Variants in KIAA1549L observed in about 807,000 individuals in gnomAD.
The protein encoded by KIAA1549L is KIAA1549 like.
In KIAA1549L, 88 loss-of-function variants were observed where a neutral mutation model predicts 160.7. The observed-to-expected ratio is 0.55, with a 90% confidence interval of 0.46 to 0.65. KIAA1549L has a LOEUF of 0.65. Ranked by LOEUF, KIAA1549L falls within the 30% of genes least tolerant of loss-of-function variation. The pLI, the probability that KIAA1549L is intolerant of heterozygous loss-of-function variation, is 0.00. For missense variants in KIAA1549L, 2,258 were observed against 2,437.5 expected (o/e 0.93, Z 1.55); for synonymous variants, 950 against 976.7 (o/e 0.97, Z 0.51).
intron 1 of KIAA1549L, among the ~76,000 whole-genome samples, chr11:33,423,503 C>T (rs1851059568): frequency 6.6e-6 from 1 of 152,202 alleles, no homozygotes; most frequent in Non-Finnish European, 1.5e-5. Flanking sequence ...TAATCTTATT[C>T]ATGCCCTCAT....
intron 16 of KIAA1549L, among the ~76,000 whole-genome samples, chr11:33,645,296 C>T (rs1851685758): frequency 6.6e-6 from 1 of 152,106 alleles, no homozygotes; most frequent in Non-Finnish European, 1.5e-5. Flanking sequence ...TAGAATGCTA[C>T]CCCTCCAGGT....
intron 1 of KIAA1549L, among the ~76,000 whole-genome samples, chr11:33,449,228 C>T (rs1851674070): frequency 6.6e-6 from 1 of 151,584 alleles, no homozygotes; most frequent in South Asian, 2.1e-4. Flanking sequence ...AAAATTTGCT[C>T]TTCAATTTTT....
intron 1 of KIAA1549L, among the ~76,000 whole-genome samples, chr11:33,473,773 T>C (rs2133032773): frequency 6.6e-6 from 1 of 152,304 alleles, no homozygotes; most frequent in Non-Finnish European, 1.5e-5. Flanking sequence ...TAACCTTTCC[T>C]ATCTTCTCCA....
At chr11:33,447,266 G>T (rs974002547) in intron 1 of KIAA1549L, among the ~76,000 whole-genome samples, 1 of 150,328 alleles carries the variant, frequency 6.7e-6, no homozygotes, top group African/African-American at 2.5e-5. Context: ...AAGCAAGGGG[G>T]TCTGGTAGGG....
chr11:33,643,340 A>G (rs1851637708), intron 16 of KIAA1549L, among the ~76,000 whole-genome samples: 1 of 152,108 alleles, frequency 6.6e-6, no homozygotes. Context: ...ACCCACCCCC[A>G]GTACTACCCC....
intron 16 of KIAA1549L, among the ~76,000 whole-genome samples, chr11:33,636,014 C>T (rs111883915): frequency 2.0e-5 from 3 of 152,278 alleles, no homozygotes; most frequent in African/African-American, 4.8e-5. Context: ...TGAAGTCTGA[C>T]GCCATCCCAC....
intron 14 of KIAA1549L, 28 bp downstream of exon 14, chr11:33,606,850 G>C: frequency 6.4e-7 from 1 of 1,565,358 alleles, no homozygotes; most frequent in Non-Finnish European, 8.7e-7. Context: ...CAGGGCAGGA[G>C]ATGGTCCGGC....
At position 33,671,062 on chromosome 11, in the gene KIAA1549L, C is replaced by T. The variant is rs147765427; in HGVS notation, c.*2908C>T. 1.1e-3 allele frequency: 160 copies of T among 152,260 alleles called. 1 individual carries two copies. The highest frequency in any genetic ancestry group is 3.8e-3 in the African/African-American group (157 of 41,530). The allele number at this position is 152,260 out of a possible 1,614,324, so 9.4% of individuals were successfully genotyped here. The stretch of plus-strand genomic sequence containing the variant: ...AGAAAAAAGATGATTGAGTATATAA[C>T]GAACTTCAGATACAGTGTATAGAGG... On this transcript the variant is annotated 3_prime_UTR_variant, in exon 21 of 21. Coordinates refer to ENST00000658780, the MANE Select transcript of KIAA1549L (RefSeq NM_012194.3).
chr11:33,425,878 G>A (rs1383398048), intron 1 of KIAA1549L, among the ~76,000 whole-genome samples: 1 of 152,198 alleles, frequency 6.6e-6, no homozygotes, highest in East Asian at 1.9e-4. Flanking sequence ...TACTGAAAAT[G>A]CACAAGTTCA....
intron 1 of KIAA1549L, among the ~76,000 whole-genome samples, chr11:33,423,163 C>T (rs568516307): frequency 6.6e-6 from 1 of 152,138 alleles, no homozygotes; most frequent in East Asian, 1.9e-4. Flanking sequence ...CTTTTTTGCA[C>T]AAAAATAAAC....
At chr11:33,632,119 G>C (rs116297149) in intron 16 of KIAA1549L, among the ~76,000 whole-genome samples, 3,172 of 152,268 alleles carry the variant, frequency 0.021, 125 homozygotes, top group African/African-American at 0.07. Context: ...CAACTTAAAC[G>C]ATCTTAAAAC....
In KIAA1549L at chr11:33,672,513, G is replaced by A. The variant is rs1371357580; in HGVS notation, c.*4359G>A. ...TCAGCAGGGACTTTTATTGGGGGCT[G>A]GTACCCAGAAGAAGGAGCATGAGTG... On this transcript the variant is annotated 3_prime_UTR_variant, in exon 21 of 21. Transcript: ENST00000658780. 6.5e-6 allele frequency: 1 copy of A among 153,444 alleles called. No homozygotes were observed. Among genetic ancestry groups the A allele is most frequent in the Non-Finnish European group, 1.5e-5 (1 of 68,104 alleles). 9.5% of individuals were successfully genotyped at this position (153,444 alleles called of 1,614,324 possible).
chr11:33,410,308 G>A (rs1850761724), intron 1 of KIAA1549L, among the ~76,000 whole-genome samples: 1 of 152,170 alleles, frequency 6.6e-6, no homozygotes, highest in African/African-American at 2.4e-5. Context: ...CATTGTTAGT[G>A]TAGACCGCAT....
intron 1 of KIAA1549L, among the ~76,000 whole-genome samples, chr11:33,416,105 T>C (rs574669688): frequency 7.2e-5 from 11 of 152,010 alleles, no homozygotes; most frequent in South Asian, 2.1e-4. Context: ...CCAGACACCA[T>C]AGGGGGAGGA....
rs1590225675 is a variant in KIAA1549L, at chr11:33,408,783, A to C, written c.238+31894A>C. Among the ~76,000 whole-genome samples, 5 of 74,412 alleles carry C rather than the reference A, an allele frequency of 6.7e-5. No individual in the cohort carries two copies. The South Asian group carries it at 2.7e-3, about 40-fold the overall frequency. 48.8% of individuals were successfully genotyped at this position (74,412 alleles called of 152,430 possible). A position where few individuals can be genotyped will look rare whatever the true frequency, so the allele number is the denominator to read the frequency against. ...AAACCCCATCACTACTAAAAATACAAAAAAAAAAAAAAAAAAATTAGCCGG... is the reference window on the plus strand; with the variant it reads ...AAACCCCATCACTACTAAAAATACACAAAAAAAAAAAAAAAAATTAGCCGG... On this transcript the variant is annotated intron_variant, in intron 1 of 20. Transcript: ENST00000658780.
chr11:33,544,198 C>T lies in KIAA1549L; in HGVS notation c.2635C>T (p.Pro879Ser), dbSNP rs1222760059. 8.7e-6 allele frequency: 14 copies of T among 1,613,898 alleles called. No individual in the cohort carries two copies. The highest frequency in any genetic ancestry group is 1.2e-5 in the Non-Finnish European group (14 of 1,179,904). The change falls in exon 2 of 21, where the codon CCT (proline) becomes TCT (serine). Residue 879 changes from proline to serine, a missense_variant. This residue lies in a region of KIAA1549L where 287 missense variants were observed against 292.3 expected (regional missense o/e 0.98). Transcript: ENST00000658780. ...SEISSDINSS[P>S]ERNASTPFQN... ...AATTTCCAGTGACATCAATTCATCA[C>T]CTGAGAGAAATGCTTCCACACCATT... is the stretch of plus-strand genomic sequence containing the variant.
chr11:33,658,517 T>TA, intron 18 of KIAA1549L, among the ~76,000 whole-genome samples: 1 of 152,276 alleles, frequency 6.6e-6, no homozygotes, highest in East Asian at 1.9e-4. Flanking sequence ...CTTGAACGTC[T>TA]AAAAATGATT....
chr11:33,607,359 T>C (rs1054502641), intron 14 of KIAA1549L, among the ~76,000 whole-genome samples: 1 of 152,126 alleles, frequency 6.6e-6, no homozygotes, highest in Non-Finnish European at 1.5e-5. Context: ...TAGTCAACTT[T>C]CCTAAGAGTC....
intron 1 of KIAA1549L, among the ~76,000 whole-genome samples, chr11:33,404,401 G>A (rs549717569): frequency 2.0e-5 from 3 of 152,172 alleles, no homozygotes; most frequent in African/African-American, 4.8e-5. Context: ...GCAGGCGCCC[G>A]TAATCCCAGC....
Sources: allele counts gnomAD v4.1 joint callset (sites outside exome capture counted in the v4.1 genomes callset), GRCh38; gene constraint gnomAD v4.1.1; regional missense constraint gnomAD v4.1.1; transcripts MANE v1.5; gene names NCBI Gene and HGNC (gene_info 2026-07-23, HGNC 2026-07-21).